The following ANO2 variants were observed in gnomAD, a reference collection of about 807,000 sequenced individuals.
ANO2 encodes anoctamin 2, also known as anoctamin-2.
Under a neutral mutation model 124.2 loss-of-function variants are expected in ANO2, and 101 were observed. The observed-to-expected ratio is 0.81, with a 90% CI of 0.69 to 0.96. The LOEUF (loss-of-function observed/expected upper bound fraction) is 0.96, where lower values mean the gene tolerates loss of function less well. Ranked by LOEUF, ANO2 falls within the 40% of genes least tolerant of loss-of-function variation. The pLI, the probability that ANO2 is intolerant of heterozygous loss-of-function variation, is 0.00. For missense variants in ANO2, 1,293 were observed against 1,274.5 expected (o/e 1.01, Z -0.22); for synonymous variants, 486 against 482.5 (o/e 1.01, Z -0.09).
chr12:5,570,727 T>C (rs903076992), intron 23 of ANO2, among the ~76,000 whole-genome samples: 1 of 152,242 alleles, frequency 6.6e-6, no homozygotes, highest in Non-Finnish European at 1.5e-5. Flanking sequence ...AGTAAATGCA[T>C]TTCTCAACTC....
chr12:5,695,260 C>A (rs1949120304), intron 14 of ANO2, among the ~76,000 whole-genome samples: 2 of 151,588 alleles, frequency 1.3e-5, no homozygotes, highest in Non-Finnish European at 2.9e-5. Flanking sequence ...CGACTTTGAA[C>A]AACATGCCAG....
intron 1 of ANO2, among the ~76,000 whole-genome samples, chr12:5,940,492 G>T (rs1942852617): frequency 6.6e-6 from 1 of 152,160 alleles, no homozygotes; most frequent in Non-Finnish European, 1.5e-5. Context: ...GCATGCTTGG[G>T]GATTTGCAGG....
intron 4 of ANO2, among the ~76,000 whole-genome samples, chr12:5,833,429 A>C (rs1238220270): frequency 6.6e-6 from 1 of 152,184 alleles, no homozygotes; most frequent in Non-Finnish European, 1.5e-5. Context: ...ATATTCTTTT[A>C]AGAGGTAGCA....
At chr12:5,767,161 A>G (rs1951918924) in intron 10 of ANO2, among the ~76,000 whole-genome samples, 1 of 152,206 alleles carries the variant, frequency 6.6e-6, no homozygotes, top group Non-Finnish European at 1.5e-5. Context: ...GGACTTAGAG[A>G]AAGATGTCAG....
intron 14 of ANO2, among the ~76,000 whole-genome samples, chr12:5,672,680 G>A (rs962183724): frequency 6.6e-6 from 1 of 152,128 alleles, no homozygotes; most frequent in African/African-American, 2.4e-5. Context: ...AGTAGACAAA[G>A]CAGAAGAGAT....
chr12:5,659,141 A>C (rs1947322362), intron 14 of ANO2, among the ~76,000 whole-genome samples: 1 of 152,062 alleles, frequency 6.6e-6, no homozygotes, highest in Admixed American at 6.5e-5. Flanking sequence ...TGAGCTTTCA[A>C]GGCCTCTCAC....
chr12:5,658,226 ACCT>A lies in ANO2; in HGVS notation c.1546-10428_1546-10426del, dbSNP rs1438959058. Among the ~76,000 whole-genome samples the A allele has an allele frequency of 2.4e-4, 36 of 152,008 alleles. No individual in the cohort carries two copies. The highest frequency in any genetic ancestry group is 2.4e-3 in the Admixed American group (36 of 15,262). On this transcript the variant is annotated intron_variant, in intron 14 of 24. Coordinates refer to ENST00000682330, the MANE Select transcript of ANO2 (RefSeq NM_001364791.2). This position sits in a 1 kb window ranked among gnomAD's most constrained non-coding sequence, Gnocchi z 4.3. ...TCAGGCATGTTACCAACTTCTCTAT[ACCT>A]CCACTTCCTCACCCATAACAAAGAG...
chr12:5,684,445 G>A (rs1452959400), intron 14 of ANO2, among the ~76,000 whole-genome samples: 2 of 152,204 alleles, frequency 1.3e-5, no homozygotes, highest in African/African-American at 4.8e-5. Flanking sequence ...CATGGACCTC[G>A]GACACTCTGT....
At chr12:5,765,213 G>A (rs1951854898) in intron 10 of ANO2, among the ~76,000 whole-genome samples, 1 of 152,148 alleles carries the variant, frequency 6.6e-6, no homozygotes, top group African/African-American at 2.4e-5. Flanking sequence ...ACAGGAGCCA[G>A]GAAGATAACA....
At chr12:5,928,685 C>T (rs1294281349) in intron 1 of ANO2, among the ~76,000 whole-genome samples, 6 of 124,140 alleles carry the variant, frequency 4.8e-5, no homozygotes, top group Non-Finnish European at 8.3e-5. Flanking sequence ...TTTCCTTACT[C>T]GTCTACCTTC....
intron 3 of ANO2, among the ~76,000 whole-genome samples, chr12:5,889,293 C>T (rs954154573): frequency 9.2e-5 from 14 of 152,212 alleles, no homozygotes; most frequent in African/African-American, 3.1e-4. Context: ...GGTAGGGGCT[C>T]CCACAGTGCA....
chr12:5,822,020 T>A (rs1953815905), intron 7 of ANO2, among the ~76,000 whole-genome samples: 1 of 152,126 alleles, frequency 6.6e-6, no homozygotes, highest in African/African-American at 2.4e-5. Context: ...CACAGATGGG[T>A]CTGCACAATA....
chr12:5,915,192 C>T (rs1195301601), intron 3 of ANO2, among the ~76,000 whole-genome samples: 1 of 152,148 alleles, frequency 6.6e-6, no homozygotes, highest in African/African-American at 2.4e-5. Context: ...TCTCCAACGA[C>T]GTCTTTAAAT....
chr12:5,939,652 G>A (rs1460684559), intron 1 of ANO2, among the ~76,000 whole-genome samples: 1 of 152,218 alleles, frequency 6.6e-6, no homozygotes, highest in Non-Finnish European at 1.5e-5. Flanking sequence ...GATGGTGAAG[G>A]ATACTATATG....
chr12:5,711,998 G>A (rs920379983), intron 14 of ANO2, among the ~76,000 whole-genome samples: 7 of 152,094 alleles, frequency 4.6e-5, no homozygotes, highest in Non-Finnish European at 8.8e-5. Context: ...ACCTACTAAC[G>A]GCCCTTAGGT....
chr12:5,869,305 G>A (rs995264184), intron 3 of ANO2, among the ~76,000 whole-genome samples: 2 of 152,070 alleles, frequency 1.3e-5, no homozygotes, highest in Non-Finnish European at 1.5e-5. Context: ...TTCTGTGCTC[G>A]GCAGGGTCAT....
Position 5,869,172 on chromosome 12 carries a change from C to T in ANO2, c.535-15031G>A, listed in dbSNP as rs549679819. 1.5e-3 allele frequency among the ~76,000 whole-genome samples: 221 copies of T among 152,246 alleles called. 2 individuals are homozygous for T. Among genetic ancestry groups the T allele is most frequent in the African/African-American group, 5.0e-3 (209 of 41,540 alleles). On this transcript the variant is annotated intron_variant, in intron 3 of 24. Coordinates refer to ENST00000682330, the MANE Select transcript of ANO2 (RefSeq NM_001364791.2). ...GGGTCCCATCCAGCAGGGCCATTCG[C>T]ACTCTCCAAGGCTCGCTTCCAAAGT...
chr12:5,914,130 G>A (rs1187459845), intron 3 of ANO2, among the ~76,000 whole-genome samples: 1 of 152,084 alleles, frequency 6.6e-6, no homozygotes, highest in Non-Finnish European at 1.5e-5. Context: ...AACCCGGGAG[G>A]CGGAGGTTGC....
chr12:5,707,793 C>T (rs1462185007), intron 14 of ANO2, among the ~76,000 whole-genome samples: 1 of 152,206 alleles, frequency 6.6e-6, no homozygotes, highest in African/African-American at 2.4e-5. Flanking sequence ...GAATTTGCAC[C>T]AGTCTATCTG....
Sources: allele counts gnomAD v4.1 joint callset (sites outside exome capture counted in the v4.1 genomes callset), GRCh38; gene constraint gnomAD v4.1.1; non-coding constraint Gnocchi (gnomAD v3.1); transcripts MANE v1.5; gene names NCBI Gene and HGNC (gene_info 2026-07-23, HGNC 2026-07-21).